Variants in ZBTB41 observed in about 807,000 individuals in gnomAD.
The protein encoded by ZBTB41 is zinc finger and BTB domain-containing protein 41.
A neutral mutation model predicts 87.6 loss-of-function variants in ZBTB41; 42 were observed. The observed-to-expected ratio is 0.48, with a 90% CI of 0.37 to 0.62. The LOEUF is 0.62. Ranked by LOEUF, ZBTB41 falls within the 20% of genes least tolerant of loss-of-function variation. The probability of loss-of-function intolerance (pLI) is 0.00; values close to 1 mark genes in which losing one functional copy is unlikely to be tolerated. For synonymous variants in ZBTB41, 364 were observed against 364.0 expected (o/e 1.00, Z 0.00); for missense variants, 799 against 1,078.9 (o/e 0.74, Z 3.63).
rs986250348 is a variant in ZBTB41 at position 197,201,224 on chromosome 1, G to A, written c.-119C>T. 6.6e-6 allele frequency among the ~76,000 whole-genome samples: 1 copy of A among 152,148 alleles called. No homozygotes were observed. The highest frequency in any genetic ancestry group is 1.5e-5 in the Non-Finnish European group (1 of 68,018). Reference sequence around the variant, plus strand: ...GAAAACGCCCCACAGATCCATTACCGGGAACCCAAGGCTCCCCCGCTGGCT... The same window carrying A: ...GAAAACGCCCCACAGATCCATTACCAGGAACCCAAGGCTCCCCCGCTGGCT... On this transcript the variant is annotated splice_region_variant and 5_prime_UTR_variant, in exon 1 of 11. Transcript: ENST00000367405.
At position 197,159,468 on chromosome 1, in the gene ZBTB41, C is replaced by G. The variant is rs771999895; in HGVS notation, c.2621G>C (p.Arg874Pro). ...PQPANIVHPV[R>P]PEQMLDPREQ... ...TCTAGGATCTAGCATTTGTTCAGGT[C>G]GAACTGGGTGAACTATATTTGCAGG... The change falls in exon 11 of 11, where the codon CGA (arginine) becomes CCA (proline). Residue 874 changes from arginine (R) to proline (P), a missense_variant. Around this residue, in one of 5 missense-constraint regions of ZBTB41, gnomAD observed 171 missense variants for 191.9 expected, o/e 0.89. Transcript: ENST00000367405. 6.2e-7 allele frequency: 1 copy of G among 1,613,842 alleles called. No homozygotes were observed. The highest frequency in any genetic ancestry group is 8.5e-7 in the Non-Finnish European group (1 of 1,179,842).
rs769176713 is a variant in ZBTB41, at chr1:197,181,032, C to T, written c.1632G>A (p.Lys544=). The stretch of plus-strand genomic sequence containing the variant: ...CACAGATAAAGCAAGTCCATTTTCT[C>T]TTTCCACCATGAGTACATTCTATAT... ...KRHIECTHGG[K]RKWTCFICGK... The change falls in exon 6 of 11, where the codon AAG becomes AAA. Residue 544 remains lysine (K), a synonymous_variant. Coordinates refer to ENST00000367405, the MANE Select transcript of ZBTB41 (RefSeq NM_194314.3). The T allele has an allele frequency of 1.2e-6, 2 of 1,605,176 alleles. No individual in the cohort carries two copies. The highest frequency in any genetic ancestry group is 1.7e-6 in the Non-Finnish European group (2 of 1,177,854).
intron 10 of ZBTB41, among the ~76,000 whole-genome samples, chr1:197,161,908 C>A (rs560369994): frequency 1.3e-5 from 2 of 151,904 alleles, no homozygotes; most frequent in African/African-American, 4.8e-5. Flanking sequence ...AGCACAGAGT[C>A]TACTTTTATA....
In ZBTB41 at chr1:197,155,470, A is replaced by G. The variant is rs1001802428; in HGVS notation, c.*3889T>C. On this transcript the variant is annotated 3_prime_UTR_variant, in exon 11 of 11. Transcript: ENST00000367405. ...AAAGGCACAAAGCATTCAATGCAGA[A>G]AAGACTGGGTATAAAAGGACACTGT... 6.6e-6 allele frequency: 1 copy of G among 152,360 alleles called. No individual in the cohort carries two copies. The highest frequency in any genetic ancestry group is 2.4e-5 in the African/African-American group (1 of 41,440). The allele number at this position is 152,360 out of a possible 1,614,324, so 9.4% of individuals were successfully genotyped here. A position where few individuals can be genotyped will look rare whatever the true frequency, so the allele number is the denominator to read the frequency against.
chr1:197,182,817 C>A (rs1293208502), intron 5 of ZBTB41, among the ~76,000 whole-genome samples: 1 of 152,090 alleles, frequency 6.6e-6, no homozygotes, highest in Admixed American at 6.6e-5. Context: ...GTGCAAATTG[C>A]AAACTGTACA....
chr1:197,174,931 A>G, intron 9 of ZBTB41, 79 bp downstream of exon 9: 7 of 1,156,108 alleles, frequency 6.1e-6, no homozygotes, highest in African/African-American at 1.6e-5. Flanking sequence ...TCAATTAAAC[A>G]AAGTAAACAA....
chr1:197,171,739 A>G (rs757358967), intron 10 of ZBTB41, among the ~76,000 whole-genome samples: 18 of 152,110 alleles, frequency 1.2e-4, no homozygotes, highest in Non-Finnish European at 1.2e-4. Flanking sequence ...TAACTTGGCA[A>G]ACAAGACAAT....
intron 9 of ZBTB41, among the ~76,000 whole-genome samples, chr1:197,172,717 C>T (rs1659511792): frequency 6.6e-6 from 1 of 151,898 alleles, no homozygotes; most frequent in South Asian, 2.1e-4. Flanking sequence ...GAATTATACA[C>T]TAAAAAGAAT....
chr1:197,159,732 T>C lies in ZBTB41; in HGVS notation c.2357A>G (p.Asp786Gly), dbSNP rs759800917. 6.2e-7 allele frequency: 1 copy of C among 1,613,996 alleles called. No homozygotes were observed. Among genetic ancestry groups the C allele is most frequent in the Non-Finnish European group, 8.5e-7 (1 of 1,179,928 alleles). ...TTCCGACTGATAAACTTTGGGCTGG[T>C]CCATATATTGTTTTGTTTCTGTTTG... ...IFQTETKQYM[D>G]QPKVYQSEAK... Residue 786 changes from aspartate to glycine, a missense_variant, in exon 11 of 11, where the codon GAC becomes GGC. Around this residue, in one of 5 missense-constraint regions of ZBTB41, gnomAD observed 171 missense variants for 191.9 expected, o/e 0.89. Transcript: ENST00000367405.
intron 10 of ZBTB41, among the ~76,000 whole-genome samples, chr1:197,163,680 C>T (rs1183299355): frequency 6.6e-6 from 1 of 151,596 alleles, no homozygotes; most frequent in East Asian, 1.9e-4. Context: ...AATCAAGGCA[C>T]ACTATAGTAA....
At position 197,168,916 on chromosome 1, in the gene ZBTB41, G is replaced by A. The variant is rs866459287; in HGVS notation, c.2074+3244C>T. ...GACAGACACTCCAATTTTTAAAAAT[G>A]AGTACAAGAATTAATCTAGTATTAC... On this transcript the variant is annotated intron_variant, in intron 10 of 10. Transcript: ENST00000367405. Among the ~76,000 whole-genome samples, 9 of 152,066 alleles carry A rather than the reference G, an allele frequency of 5.9e-5. No individual in the cohort carries two copies. The South Asian group carries it at 1.2e-3, about 21-fold the overall frequency.
In ZBTB41 at chr1:197,156,185, T is replaced by C. The variant is rs1339915037; in HGVS notation, c.*3174A>G. 1 of 151,054 alleles carries C rather than the reference T, an allele frequency of 6.6e-6. No individual in the cohort carries two copies. Among genetic ancestry groups the C allele is most frequent in the Non-Finnish European group, 1.5e-5 (1 of 67,242 alleles). The allele number at this position is 151,054 out of a possible 1,614,324, so 9.4% of individuals were successfully genotyped here. ...ATACATATAAACACAATAATCAATC[T>C]CAGTATTCAAACTAACAACTTTTTT... On this transcript the variant is annotated 3_prime_UTR_variant, in exon 11 of 11. Transcript: ENST00000367405.
chr1:197,174,300 A>G (rs563923298), intron 9 of ZBTB41, among the ~76,000 whole-genome samples: 1 of 152,260 alleles, frequency 6.6e-6, no homozygotes, highest in South Asian at 2.1e-4. Flanking sequence ...GCAGAATAAG[A>G]TCAGAGGTCA....
At chr1:197,164,799 A>AATACGTATCTAATACATTAT (rs1659281417) in intron 10 of ZBTB41, among the ~76,000 whole-genome samples, 1 of 52,016 alleles carries the variant, frequency 1.9e-5, no homozygotes, top group Non-Finnish European at 3.5e-5. Context: ...ATACATATAT[A>AATACGTATCTAATACATTAT]ATATATTATA....
At chr1:197,165,816 A>G (rs1438277215) in intron 10 of ZBTB41, among the ~76,000 whole-genome samples, 1 of 152,210 alleles carries the variant, frequency 6.6e-6, no homozygotes, top group Non-Finnish European at 1.5e-5. Context: ...AGATGGCCAA[A>G]CAGGAACAGC....
At chr1:197,188,154 C>A in intron 5 of ZBTB41, 138 bp downstream of exon 5, 1 of 889,676 alleles carries the variant, frequency 1.1e-6, no homozygotes, top group South Asian at 1.6e-5. Flanking sequence ...TCCTTCCTCT[C>A]AATTTTGCTG....
rs1659108204 is a variant in ZBTB41 at position 197,157,894 on chromosome 1, T to A, written c.*1465A>T. ...TTTTTTCACAAGGGCTGGGCTAGAC[T>A]TTACAGTTTACACACACAAAAAAAG... On this transcript the variant is annotated 3_prime_UTR_variant, in exon 11 of 11. Transcript: ENST00000367405. 1.0e-5 allele frequency: 1 copy of A among 98,168 alleles called. No individual in the cohort carries two copies. 6.1% of individuals were successfully genotyped at this position (98,168 alleles called of 1,614,324 possible). A position where few individuals can be genotyped will look rare whatever the true frequency, so the allele number is the denominator to read the frequency against.
intron 2 of ZBTB41, among the ~76,000 whole-genome samples, chr1:197,196,875 T>C (rs967233359): frequency 1.3e-5 from 2 of 152,190 alleles, no homozygotes; most frequent in Non-Finnish European, 2.9e-5. Context: ...TCTTTGAGTC[T>C]CAGCTCAAAT....
In ZBTB41 at chr1:197,159,126, A is replaced by C; in HGVS notation, c.*233T>G. On this transcript the variant is annotated 3_prime_UTR_variant, in exon 11 of 11. Transcript: ENST00000367405. ...ATTTAAGAAACCATTAAAAGTTAGCACTAAATAATCTTTAAAAATCACAAA... is the reference window on the plus strand; with the variant it reads ...ATTTAAGAAACCATTAAAAGTTAGCCCTAAATAATCTTTAAAAATCACAAA... The C allele has an allele frequency of 4.4e-6, 2 of 457,200 alleles. No homozygotes were observed. The highest frequency in any genetic ancestry group is 7.2e-5 in the South Asian group (2 of 27,728). The allele number at this position is 457,200 out of a possible 1,614,324, so 28.3% of individuals were successfully genotyped here.
Sources: allele counts gnomAD v4.1 joint callset (sites outside exome capture counted in the v4.1 genomes callset), GRCh38; gene constraint gnomAD v4.1.1; regional missense constraint gnomAD v4.1.1; transcripts MANE v1.5; gene names NCBI Gene and HGNC (gene_info 2026-07-23, HGNC 2026-07-21).